Variants in ZRANB3 observed in about 807,000 individuals in gnomAD.
ZRANB3 encodes the protein zinc finger RANBP2-type containing 3.
A neutral mutation model predicts 133.8 loss-of-function variants in ZRANB3; 125 were observed. The observed-to-expected ratio is 0.93, with a 90% CI of 0.81 to 1.08. The LOEUF (loss-of-function observed/expected upper bound fraction) is 1.08. ZRANB3 is among the 50% of genes least tolerant of loss of function. The pLI is 0.00. For synonymous variants in ZRANB3, 387 were observed against 432.7 expected (o/e 0.89, Z 1.31); for missense variants, 1,229 against 1,275.5 (o/e 0.96, Z 0.56).
chr2:135,410,707 A>G (rs1316630457), intron 2 of ZRANB3, among the ~76,000 whole-genome samples: 1 of 152,180 alleles, frequency 6.6e-6, no homozygotes, highest in Non-Finnish European at 1.5e-5. Context: ...AAATATTTGC[A>G]AACTATGCAA....
chr2:135,334,255 A>T (rs1440978118), intron 6 of ZRANB3, among the ~76,000 whole-genome samples: 1 of 152,214 alleles, frequency 6.6e-6, no homozygotes, highest in African/African-American at 2.4e-5. Context: ...CTAATCAATG[A>T]ATGGAGTAGA....
intron 1 of ZRANB3, among the ~76,000 whole-genome samples, chr2:135,529,638 T>C (rs1694340359): frequency 6.6e-6 from 1 of 152,022 alleles, no homozygotes; most frequent in Non-Finnish European, 1.5e-5. Context: ...TAGCTGGGAC[T>C]ACAGATCCTA....
intron 8 of ZRANB3, among the ~76,000 whole-genome samples, chr2:135,280,830 C>T (rs999448055): frequency 1.3e-5 from 2 of 152,156 alleles, no homozygotes; most frequent in African/African-American, 4.8e-5. Context: ...AGTTAGGCTC[C>T]CCTGAGCCCT....
intron 2 of ZRANB3, among the ~76,000 whole-genome samples, chr2:135,429,653 T>C (rs1057498023): frequency 1.3e-5 from 2 of 152,060 alleles, no homozygotes; most frequent in African/African-American, 4.8e-5. Flanking sequence ...TTTTTCATCT[T>C]CCATATTGGA....
At chr2:135,447,942 C>T (rs1401162342) in intron 2 of ZRANB3, among the ~76,000 whole-genome samples, 1 of 151,942 alleles carries the variant, frequency 6.6e-6, no homozygotes, top group African/African-American at 2.4e-5. Context: ...GAAATGTATT[C>T]GACTAGAAAG....
chr2:135,349,962 C>G, intron 5 of ZRANB3, 22 bp downstream of exon 5: 1 of 1,603,240 alleles, frequency 6.2e-7, no homozygotes. Flanking sequence ...CTTTTAAGTT[C>G]GAAGTATAAG....
At chr2:135,373,819 G>A (rs1457393390) in intron 3 of ZRANB3, among the ~76,000 whole-genome samples, 2 of 143,564 alleles carry the variant, frequency 1.4e-5, no homozygotes, top group East Asian at 4.1e-4. Context: ...GGGAGGGGAC[G>A]GGAGGGGAAA....
intron 3 of ZRANB3, among the ~76,000 whole-genome samples, chr2:135,378,128 C>T (rs1686509404): frequency 1.3e-5 from 2 of 152,190 alleles, no homozygotes; most frequent in Non-Finnish European, 2.9e-5. Flanking sequence ...ACTTAATAAA[C>T]TCCCCTTTAT....
At chr2:135,516,351 C>T (rs1014180467) in intron 1 of ZRANB3, among the ~76,000 whole-genome samples, 4 of 152,148 alleles carry the variant, frequency 2.6e-5, no homozygotes, top group East Asian at 3.9e-4. Context: ...GATGAAATTT[C>T]TTCACAGTGT....
chr2:135,277,200 AAG>A (rs141865333), intron 8 of ZRANB3, among the ~76,000 whole-genome samples: 6,564 of 152,284 alleles, frequency 0.043, 475 homozygotes, highest in African/African-American at 0.15. Context: ...TCCTTCAGGC[AAG>A]AGAGCAGAAT....
chr2:135,266,626 G>A (rs1165363620), intron 11 of ZRANB3, among the ~76,000 whole-genome samples: 4 of 152,122 alleles, frequency 2.6e-5, no homozygotes, highest in Admixed American at 6.5e-5. Context: ...CCAGCTGGGC[G>A]TGGTGGCGGG....
chr2:135,484,694 T>C (rs1360701146), intron 2 of ZRANB3, among the ~76,000 whole-genome samples: 1 of 150,610 alleles, frequency 6.6e-6, no homozygotes, highest in Non-Finnish European at 1.5e-5. Context: ...GTCTTGGTTT[T>C]TAAATATTTA....
chr2:135,505,918 G>C (rs1482092131), intron 1 of ZRANB3, among the ~76,000 whole-genome samples: 1 of 152,164 alleles, frequency 6.6e-6, no homozygotes, highest in African/African-American at 2.4e-5. Context: ...GAGAGTACTG[G>C]TCACTTTAGG....
chr2:135,469,558 T>A (rs1691159431), intron 2 of ZRANB3, among the ~76,000 whole-genome samples: 1 of 152,180 alleles, frequency 6.6e-6, no homozygotes, highest in Non-Finnish European at 1.5e-5. Context: ...TTGAATAGCA[T>A]CCCATTTTGA....
chr2:135,374,226 C>G (rs947018734), intron 3 of ZRANB3, among the ~76,000 whole-genome samples: 1 of 151,990 alleles, frequency 6.6e-6, no homozygotes, highest in African/African-American at 2.4e-5. Context: ...AGCGAACATG[C>G]GAAATCCCGT....
At chr2:135,381,082 AG>A (rs1479415860) in intron 3 of ZRANB3, among the ~76,000 whole-genome samples, 1 of 152,192 alleles carries the variant, frequency 6.6e-6, no homozygotes, top group East Asian at 1.9e-4. Context: ...GTAAGGGATC[AG>A]GGAATTCCCT....
chr2:135,274,474 G>GTA (rs1236107498), intron 9 of ZRANB3, among the ~76,000 whole-genome samples: 3 of 152,156 alleles, frequency 2.0e-5, no homozygotes, highest in Non-Finnish European at 4.4e-5. Flanking sequence ...AGGCCACTGT[G>GTA]TAGGTAAATA....
chr2:135,498,340 T>C (rs1692775851), intron 2 of ZRANB3, among the ~76,000 whole-genome samples: 1 of 152,146 alleles, frequency 6.6e-6, no homozygotes, highest in South Asian at 2.1e-4. Context: ...AAATTAATAC[T>C]TTTATAATTT....
At chr2:135,263,715 A>G (rs1353137397) in intron 12 of ZRANB3, among the ~76,000 whole-genome samples, 2 of 152,172 alleles carry the variant, frequency 1.3e-5, no homozygotes, top group African/African-American at 2.4e-5. Context: ...AAGTTTAAAA[A>G]GAAAAAAAGG....
Sources: allele counts gnomAD v4.1 joint callset (sites outside exome capture counted in the v4.1 genomes callset), GRCh38; gene constraint gnomAD v4.1.1; transcripts MANE v1.5; gene names NCBI Gene and HGNC (gene_info 2026-07-23, HGNC 2026-07-21).